Variants in PDGFB observed in about 807,000 individuals in gnomAD.
The protein encoded by PDGFB is platelet derived growth factor subunit B.
Under a neutral mutation model 29.0 loss-of-function variants are expected in PDGFB, and 6 were observed. The ratio of observed to expected loss-of-function variants is 0.21; its 90% CI spans 0.11 to 0.41. PDGFB has a LOEUF of 0.41. PDGFB is among the 10% of genes least tolerant of loss of function. The pLI, the probability that PDGFB is intolerant of heterozygous loss-of-function variation, is 1.00. For synonymous variants in PDGFB, 144 were observed against 140.8 expected (o/e 1.02, Z -0.16); for missense variants, 299 against 341.8 (o/e 0.87, Z 0.99).
rs34438964 is a variant in PDGFB, at chr22:39,233,413, T to C, written c.250+22A>G. 5.1e-3 allele frequency: 8,065 copies of C among 1,570,164 alleles called. 381 individuals are homozygous for C. In the African/African-American group the frequency reaches 0.098, roughly 19 times the overall value. On this transcript the variant is annotated intron_variant, in intron 3 of 6. Coordinates refer to ENST00000331163, the MANE Select transcript of PDGFB (RefSeq NM_002608.4). ...GCCCCCATGCTAATTTGAAGGACCC[T>C]TGTTGGGTGTCTCAGTCTTACCCAG...
At chr22:39,226,424 G>C (rs1423478911) in intron 5 of PDGFB, among the ~76,000 whole-genome samples, 2 of 152,084 alleles carry the variant, frequency 1.3e-5, no homozygotes, top group Admixed American at 1.3e-4. Flanking sequence ...GTGGGGACTG[G>C]CTCTCCCCGT....
intron 2 of PDGFB, among the ~76,000 whole-genome samples, chr22:39,233,980 G>T (rs991006514): frequency 7.6e-6 from 1 of 132,140 alleles, no homozygotes; most frequent in Non-Finnish European, 1.6e-5. Flanking sequence ...CTGGAGCCCC[G>T]GACAATGGCC....
chr22:39,228,917 T>TATATATATAA (rs1311126916), intron 5 of PDGFB, among the ~76,000 whole-genome samples: 1 of 148,750 alleles, frequency 6.7e-6, no homozygotes, highest in Non-Finnish European at 1.5e-5. Context: ...TAGATATATA[T>TATATATATAA]AATTTTCCCT....
rs1365607181 is a variant in PDGFB at position 39,242,676 on chromosome 22, C to T, written c.63+1225G>A. Among the ~76,000 whole-genome samples the T allele has an allele frequency of 6.6e-6, 1 of 151,954 alleles. No homozygotes were observed. The highest frequency in any genetic ancestry group is 2.4e-5 in the African/African-American group (1 of 41,392). On this transcript the variant is annotated intron_variant, in intron 1 of 6. Transcript: ENST00000331163. This position sits in a 1 kb window ranked among gnomAD's most constrained non-coding sequence, Gnocchi z 5.7. Reference sequence around the variant, plus strand: ...CCGTGGTCAAAACAACCTGCGCTGGCGGCAGCCCAAGGCCGGGCCGCGGCC... The same window carrying T: ...CCGTGGTCAAAACAACCTGCGCTGGTGGCAGCCCAAGGCCGGGCCGCGGCC...
Position 39,234,834 on chromosome 22 carries a change from G to A in PDGFB, c.160+944C>T, listed in dbSNP as rs953390998. ...AGGGGTGTGGAGGGGCCGTCTGAGG[G>A]TGGGGGTGTAAAGGCTTGGAAAGAA... On this transcript the variant is annotated intron_variant, in intron 2 of 6. Transcript: ENST00000331163. 2.0e-5 allele frequency among the ~76,000 whole-genome samples: 3 copies of A among 152,248 alleles called. 1 individual carries two copies. The highest frequency in any genetic ancestry group is 7.2e-5 in the African/African-American group (3 of 41,470).
At chr22:39,235,095 C>T (rs531608885) in intron 2 of PDGFB, among the ~76,000 whole-genome samples, 1 of 152,264 alleles carries the variant, frequency 6.6e-6, no homozygotes, top group East Asian at 1.9e-4. Context: ...GAAACAAAGG[C>T]AGGAAATGCT....
At chr22:39,233,028 G>A (rs1438117990) in intron 3 of PDGFB, among the ~76,000 whole-genome samples, 2 of 152,190 alleles carry the variant, frequency 1.3e-5, no homozygotes, top group Non-Finnish European at 2.9e-5. Flanking sequence ...GATACCCATA[G>A]CCCATCAGGG....
At chr22:39,227,039 A>G (rs1356499358) in intron 5 of PDGFB, among the ~76,000 whole-genome samples, 1 of 152,156 alleles carries the variant, frequency 6.6e-6, no homozygotes, top group African/African-American at 2.4e-5. Context: ...GCTCACTGCA[A>G]CCTCCACCTC....
intron 2 of PDGFB, among the ~76,000 whole-genome samples, chr22:39,235,437 C>A (rs922362756): frequency 1.2e-4 from 19 of 152,300 alleles, no homozygotes; most frequent in East Asian, 7.7e-4. Flanking sequence ...GGGGAGATGA[C>A]TCCTCCAGTG....
rs914594681 is a variant in PDGFB at position 39,231,603 on chromosome 22, G to A, written c.456+19C>T. 1.3e-6 allele frequency: 2 copies of A among 1,523,222 alleles called. No homozygotes were observed. The highest frequency in any genetic ancestry group is 2.7e-5 in the African/African-American group (2 of 72,832). The allele number at this position is 1,523,222 out of a possible 1,614,324, so 94.4% of individuals were successfully genotyped here. A position where few individuals can be genotyped will look rare whatever the true frequency, so the allele number is the denominator to read the frequency against. ...CCCACCACCGGGACCAGCCTCGGGG[G>A]GCCGCGGAGCCTACGCACCTGGACA... On this transcript the variant is annotated intron_variant, in intron 4 of 6. Transcript: ENST00000331163. The surrounding 1 kb of genome is among the most constrained non-coding windows in gnomAD (Gnocchi z 4.3).
At chr22:39,233,325 G>A (rs541890775) in intron 3 of PDGFB, 110 bp downstream of exon 3, 11 of 704,346 alleles carry the variant, frequency 1.6e-5, no homozygotes, top group African/African-American at 3.7e-5. Flanking sequence ...TGGGGGGAAC[G>A]GGAGTTGTAA....
At chr22:39,233,623 C>G (rs1032660399) in intron 2 of PDGFB, 99 bp from the exon 3 acceptor site, 1 of 729,356 alleles carries the variant, frequency 1.4e-6, no homozygotes. Flanking sequence ...GCCTCTCCCC[C>G]ACTCCAGAGA....
rs145541184 is a variant in PDGFB at position 39,227,109 on chromosome 22, C to T, written c.602-1262G>A. Among the ~76,000 whole-genome samples, 978 of 152,370 alleles carry T rather than the reference C, an allele frequency of 6.4e-3. 15 individuals are homozygous for T. Among genetic ancestry groups the T allele is most frequent in the African/African-American group, 0.022 (933 of 41,576 alleles). ...GAGTAGCTGGGATTACAGGCATGCACCATGACACCTGGTTAATTTTTGTAT... is the reference window on the plus strand; with the variant it reads ...GAGTAGCTGGGATTACAGGCATGCATCATGACACCTGGTTAATTTTTGTAT... On this transcript the variant is annotated intron_variant, in intron 5 of 6. Coordinates refer to ENST00000331163, the MANE Select transcript of PDGFB (RefSeq NM_002608.4).
At position 39,243,918 on chromosome 22, in the gene PDGFB, G is replaced by A. The variant is rs777022864; in HGVS notation, c.46C>T (p.Arg16Cys). 1 of 1,607,430 alleles carries A rather than the reference G, an allele frequency of 6.2e-7. No individual in the cohort carries two copies. The highest frequency in any genetic ancestry group is 8.5e-7 in the Non-Finnish European group (1 of 1,177,328). ...ALFLSLCCYL[R>C]LVSAEGDPIP... Reference sequence around the variant, plus strand: ...CAACTCACCTCGGCGCTGACCAGACGCAGGTAGCAGCAGAGAGACAGGAAG... The same window carrying A: ...CAACTCACCTCGGCGCTGACCAGACACAGGTAGCAGCAGAGAGACAGGAAG... The change falls in exon 1 of 7, where the codon CGT becomes TGT. Residue 16 changes from arginine to cysteine, a missense_variant. Coordinates refer to ENST00000331163, the MANE Select transcript of PDGFB (RefSeq NM_002608.4). The surrounding 1 kb of genome is among the most constrained non-coding windows in gnomAD (Gnocchi z 6.4).
intron 5 of PDGFB, among the ~76,000 whole-genome samples, chr22:39,227,201 C>T (rs560619709): frequency 8.8e-4 from 134 of 151,944 alleles, no homozygotes; most frequent in African/African-American, 3.0e-3. Context: ...TCAAGTGATC[C>T]ACCTGCCTTG....
rs1421183456 is a variant in PDGFB, at chr22:39,244,073, G to T, written c.-110C>A. 2 of 553,280 alleles carry T rather than the reference G, an allele frequency of 3.6e-6. No homozygotes were observed. Among genetic ancestry groups the T allele is most frequent in the Non-Finnish European group, 2.9e-6 (1 of 350,744 alleles). 34.3% of individuals were successfully genotyped at this position (553,280 alleles called of 1,614,324 possible). ...GGGGGTGGGCTCGGCTCGGGTCCGC[G>T]GCGATCAGGCGCTCAGGCCTCTGCA... On this transcript the variant is annotated 5_prime_UTR_variant, in exon 1 of 7. Coordinates refer to ENST00000331163, the MANE Select transcript of PDGFB (RefSeq NM_002608.4). This position sits in a 1 kb window ranked among gnomAD's most constrained non-coding sequence, Gnocchi z 4.5.
intron 5 of PDGFB, 128 bp downstream of exon 5, chr22:39,229,956 T>A: frequency 8.9e-7 from 1 of 1,118,552 alleles, no homozygotes; most frequent in African/African-American, 1.6e-5. Context: ...CTCAGCAAGA[T>A]GAAAAGAAAG....
chr22:39,238,281 G>C (rs1206889940), intron 1 of PDGFB, among the ~76,000 whole-genome samples: 1 of 152,134 alleles, frequency 6.6e-6, no homozygotes, highest in Non-Finnish European at 1.5e-5. Context: ...TGTCCAGTAT[G>C]ATTCTTCTGC....
intron 5 of PDGFB, among the ~76,000 whole-genome samples, chr22:39,228,779 C>G (rs1408118456): frequency 1.3e-5 from 2 of 151,754 alleles, no homozygotes; most frequent in African/African-American, 4.8e-5. Context: ...ATTCCAGCTA[C>G]TCGGGAGGCT....
Sources: allele counts gnomAD v4.1 joint callset (sites outside exome capture counted in the v4.1 genomes callset), GRCh38; gene constraint gnomAD v4.1.1; non-coding constraint Gnocchi (gnomAD v3.1); transcripts MANE v1.5; gene names NCBI Gene and HGNC (gene_info 2026-07-23, HGNC 2026-07-21).